The following MRPS25 variants were observed in gnomAD, a reference collection of about 807,000 sequenced individuals.
MRPS25 encodes the protein mitochondrial ribosomal protein S25.
MRPS25 carries 15 observed loss-of-function variants against 17.3 expected under a neutral mutation model. The observed-to-expected ratio is 0.87, with a 90% CI of 0.58 to 1.34. The LOEUF is 1.34. Ranked by LOEUF, MRPS25 falls within the 40% of genes most tolerant of loss-of-function variation. MRPS25 has a pLI of 0.00. For missense variants in MRPS25, 225 were observed against 218.6 expected (o/e 1.03, Z -0.19); for synonymous variants, 94 against 83.3 (o/e 1.13, Z -0.70).
In MRPS25 at chr3:15,050,885, TA is replaced by T. The variant is rs2042594466; in HGVS notation, c.*1555del. On this transcript the variant is annotated 3_prime_UTR_variant, in exon 4 of 4. Transcript: ENST00000253686. ...ATTTAATGTGATAATCTCCAACAGT[TA>T]ATGAAACACATCGTAGTATGACATC... 1.0e-6 allele frequency: 1 copy of T among 985,278 alleles called. No homozygotes were observed. Among genetic ancestry groups the T allele is most frequent in the African/African-American group, 1.7e-5 (1 of 57,200 alleles). 61.0% of individuals were successfully genotyped at this position (985,278 alleles called of 1,614,324 possible).
At position 15,048,563 on chromosome 3, in the gene MRPS25, G is replaced by C. The variant is rs1575062666; in HGVS notation, c.*3878C>G. On this transcript the variant is annotated 3_prime_UTR_variant, in exon 4 of 4. Transcript: ENST00000253686. ...GATTGATAGACTGTTAAAATTTAAT[G>C]TTTGGAATAACATTTGGAAGTAGTA... 1 of 152,672 alleles carries C rather than the reference G, an allele frequency of 6.5e-6. No individual in the cohort carries two copies. The highest frequency in any genetic ancestry group is 1.9e-4 in the East Asian group (1 of 5,188). 9.5% of individuals were successfully genotyped at this position (152,672 alleles called of 1,614,324 possible). A position where few individuals can be genotyped will look rare whatever the true frequency, so the allele number is the denominator to read the frequency against.
chr3:15,063,061 A>G (rs1228678282), intron 1 of MRPS25, among the ~76,000 whole-genome samples: 1 of 152,078 alleles, frequency 6.6e-6, no homozygotes, highest in African/African-American at 2.4e-5. Flanking sequence ...AAAAAAAAAA[A>G]AGAAAGTTAA....
intron 1 of MRPS25, among the ~76,000 whole-genome samples, chr3:15,063,151 G>A (rs1329532689): frequency 6.6e-6 from 1 of 152,024 alleles, no homozygotes; most frequent in Non-Finnish European, 1.5e-5. Context: ...AACCCCAGAA[G>A]GTGGGGTTTT....
At position 15,049,686 on chromosome 3, in the gene MRPS25, C is replaced by A; in HGVS notation, c.*2755G>T. The A allele has an allele frequency of 1.8e-6, 1 of 555,282 alleles. No homozygotes were observed. The highest frequency in any genetic ancestry group is 3.1e-6 in the Non-Finnish European group (1 of 320,028). 34.4% of individuals were successfully genotyped at this position (555,282 alleles called of 1,614,324 possible). A position where few individuals can be genotyped will look rare whatever the true frequency, so the allele number is the denominator to read the frequency against. On this transcript the variant is annotated 3_prime_UTR_variant, in exon 4 of 4. Coordinates refer to ENST00000253686, the MANE Select transcript of MRPS25 (RefSeq NM_022497.5). ...GCTCCAAAAGTTTCAGAAGTTAGAA[C>A]ATATTCATTATGTCATCTGACCTCT... is the stretch of plus-strand genomic sequence containing the variant.
downstream of MRPS25, chr3:15,047,846 T>C (rs2042510173): frequency 1.3e-5 from 2 of 152,242 alleles, no homozygotes; most frequent in African/African-American, 2.4e-5. Flanking sequence ...CTATAAGTTA[T>C]GATTTTAAAT....
At chr3:15,058,691 A>T (rs146203566) in intron 2 of MRPS25, among the ~76,000 whole-genome samples, 1 of 152,252 alleles carries the variant, frequency 6.6e-6, no homozygotes, top group East Asian at 1.9e-4. Context: ...CCCAACCTAC[A>T]CTTCATTTGA....
At chr3:15,059,227 T>C (rs1397681279) in intron 2 of MRPS25, 142 bp downstream of exon 2, 4 of 637,782 alleles carry the variant, frequency 6.3e-6, no homozygotes, top group African/African-American at 3.6e-5. Context: ...TGCCTCGGTA[T>C]GGGGAAGCCA....
rs898933870 is a variant in MRPS25, at chr3:15,049,761, C to T, written c.*2680G>A. On this transcript the variant is annotated 3_prime_UTR_variant, in exon 4 of 4. Coordinates refer to ENST00000253686, the MANE Select transcript of MRPS25 (RefSeq NM_022497.5). ...GTCCAAAGTCTGATGCATGACAGAA[C>T]TCACTGGCAGGCAGATAGGGCCTCA... 1.7e-5 allele frequency: 11 copies of T among 657,716 alleles called. No individual in the cohort carries two copies. In the African/African-American group the frequency reaches 2.1e-4, roughly 12 times the overall value. 40.7% of individuals were successfully genotyped at this position (657,716 alleles called of 1,614,324 possible).
At chr3:15,053,497 A>T in intron 2 of MRPS25, 30 bp from the exon 3 acceptor site, 2 of 1,614,090 alleles carry the variant, frequency 1.2e-6, no homozygotes, top group Non-Finnish European at 8.5e-7. Flanking sequence ...GGCAGAAGAG[A>T]AACAGAACTC....
At chr3:15,064,783 C>A (rs1199180656) in intron 1 of MRPS25, among the ~76,000 whole-genome samples, 1 of 152,246 alleles carries the variant, frequency 6.6e-6, no homozygotes, top group Non-Finnish European at 1.5e-5. Context: ...TGGTGGCCTC[C>A]CTCGGGTCAG....
rs1229782491 is a variant in MRPS25, at chr3:15,065,283, G to A, written c.-89C>T. 4 of 1,444,332 alleles carry A rather than the reference G, an allele frequency of 2.8e-6. No homozygotes were observed. Among genetic ancestry groups the A allele is most frequent in the Non-Finnish European group, 3.6e-6 (4 of 1,097,364 alleles). The allele number at this position is 1,444,332 out of a possible 1,614,324, so 89.5% of individuals were successfully genotyped here. A position where few individuals can be genotyped will look rare whatever the true frequency, so the allele number is the denominator to read the frequency against. On this transcript the variant is annotated 5_prime_UTR_variant, in exon 1 of 4. Coordinates refer to ENST00000253686, the MANE Select transcript of MRPS25 (RefSeq NM_022497.5). ...GCTAGCACCCGCGCGGATCTCACGC[G>A]GCTTCTCCCCAGAGCCAGGTTCCAC... is the stretch of plus-strand genomic sequence containing the variant.
chr3:15,063,016 C>G (rs1439210778), intron 1 of MRPS25, among the ~76,000 whole-genome samples: 1 of 151,326 alleles, frequency 6.6e-6, no homozygotes, highest in Non-Finnish European at 1.5e-5. Context: ...CCAAATCCCC[C>G]TCTGCGAGAA....
chr3:15,044,311 G>T (rs545374561), downstream of MRPS25: 2 of 152,274 alleles, frequency 1.3e-5, no homozygotes, highest in South Asian at 4.1e-4. Context: ...TGTGCACTTT[G>T]GTTCCCCCAG....
rs757342929 is a variant in MRPS25, at chr3:15,065,230, C to A, written c.-36G>T. The A allele has an allele frequency of 6.4e-7, 1 of 1,550,598 alleles. No homozygotes were observed. The highest frequency in any genetic ancestry group is 1.9e-5 in the Admixed American group (1 of 51,662). On this transcript the variant is annotated 5_prime_UTR_variant, in exon 1 of 4. Coordinates refer to ENST00000253686, the MANE Select transcript of MRPS25 (RefSeq NM_022497.5). Reference sequence around the variant, plus strand: ...GTGGCGGGGCCGACCCCACGGGCCGCGAGCCGAGCAGCGACGAGAAAGGAC... The same window carrying A: ...GTGGCGGGGCCGACCCCACGGGCCGAGAGCCGAGCAGCGACGAGAAAGGAC...
chr3:15,065,283 G>T lies in MRPS25; in HGVS notation c.-89C>A. 2 of 1,444,450 alleles carry T rather than the reference G, an allele frequency of 1.4e-6. No homozygotes were observed. Among genetic ancestry groups the T allele is most frequent in the Admixed American group, 5.1e-5 (2 of 39,482 alleles). 89.5% of individuals were successfully genotyped at this position (1,444,450 alleles called of 1,614,324 possible). On this transcript the variant is annotated 5_prime_UTR_variant, in exon 1 of 4. Transcript: ENST00000253686. ...GCTAGCACCCGCGCGGATCTCACGCGGCTTCTCCCCAGAGCCAGGTTCCAC... is the reference window on the plus strand; with the variant it reads ...GCTAGCACCCGCGCGGATCTCACGCTGCTTCTCCCCAGAGCCAGGTTCCAC...
At chr3:15,063,237 A>G (rs2042804116) in intron 1 of MRPS25, among the ~76,000 whole-genome samples, 2 of 152,138 alleles carry the variant, frequency 1.3e-5, no homozygotes, top group African/African-American at 4.8e-5. Flanking sequence ...CTGGCCTTCG[A>G]TCACACTGTT....
At position 15,051,356 on chromosome 3, in the gene MRPS25, G is replaced by C; in HGVS notation, c.*1085C>G. The C allele has an allele frequency of 7.3e-6, 4 of 551,716 alleles. No individual in the cohort carries two copies. The highest frequency in any genetic ancestry group is 9.2e-6 in the Non-Finnish European group (4 of 433,846). 34.2% of individuals were successfully genotyped at this position (551,716 alleles called of 1,614,324 possible). ...GAAACACCACACCCATCTAATTTTT[G>C]TACTTTTTGTAGAGACAAGGTCTTG... On this transcript the variant is annotated 3_prime_UTR_variant, in exon 4 of 4. Transcript: ENST00000253686.
Position 15,050,959 on chromosome 3 carries a change from C to G in MRPS25, c.*1482G>C. ...TGTGGCAGAAAAGGTAACCTTTTCCCCATTTTACAGACAAAACCAGTTACA... is the reference window on the plus strand; with the variant it reads ...TGTGGCAGAAAAGGTAACCTTTTCCGCATTTTACAGACAAAACCAGTTACA... On this transcript the variant is annotated 3_prime_UTR_variant, in exon 4 of 4. Transcript: ENST00000253686. 1 of 985,274 alleles carries G rather than the reference C, an allele frequency of 1.0e-6. No homozygotes were observed. Among genetic ancestry groups the G allele is most frequent in the Non-Finnish European group, 1.2e-6 (1 of 829,832 alleles). The allele number at this position is 985,274 out of a possible 1,614,324, so 61.0% of individuals were successfully genotyped here. A position where few individuals can be genotyped will look rare whatever the true frequency, so the allele number is the denominator to read the frequency against.
In MRPS25 at chr3:15,048,857, T is replaced by TTAAAGGCATCTATCTATC. The variant is rs2042548508; in HGVS notation, c.*3566_*3583dup. On this transcript the variant is annotated 3_prime_UTR_variant, in exon 4 of 4. Transcript: ENST00000253686. ...GAATGTAACTGCATTACCAGCCCTT[T>TTAAAGGCATCTATCTATC]TAAAGGCATCTATCTATCAAAGGAA... 6.6e-6 allele frequency: 1 copy of TTAAAGGCATCTATCTATC among 152,664 alleles called. No individual in the cohort carries two copies. Among genetic ancestry groups the TTAAAGGCATCTATCTATC allele is most frequent in the Admixed American group, 6.5e-5 (1 of 15,282 alleles). The allele number at this position is 152,664 out of a possible 1,614,324, so 9.5% of individuals were successfully genotyped here.
Sources: gnomAD v4.1 joint callset for allele counts (sites outside exome capture counted in the v4.1 genomes callset) on GRCh38, gnomAD v4.1.1 for gene constraint, MANE v1.5 for transcripts, NCBI Gene and HGNC (gene_info 2026-07-23, HGNC 2026-07-21) for gene names.